Variants in MINDY4 observed in about 807,000 individuals in gnomAD.
MINDY4 encodes probable ubiquitin carboxyl-terminal hydrolase MINDY-4.
In MINDY4, 68 loss-of-function variants were observed where a neutral mutation model predicts 87.0. That is an observed-to-expected ratio of 0.78 (90% CI 0.64 to 0.96). The LOEUF is 0.96. Ranked by LOEUF, MINDY4 falls within the 40% of genes least tolerant of loss-of-function variation. The pLI is 0.00. For missense variants in MINDY4, 919 were observed against 928.2 expected, an observed-to-expected ratio of 0.99 and a Z score of 0.13; for synonymous variants, 379 against 363.2, an observed-to-expected ratio of 1.04 and a Z score of -0.50.
At chr7:30,888,160 A>G (rs531125257) in intron 17 of MINDY4, among the ~76,000 whole-genome samples, 16 of 152,278 alleles carry the variant, frequency 1.1e-4, no homozygotes, top group African/African-American at 3.1e-4. Context: ...CCTCTGTTGC[A>G]GTGATGCCTC....
Position 30,883,002 on chromosome 7 carries a change from A to T in MINDY4, c.2225+9A>T. The T allele has an allele frequency of 6.2e-7, 1 of 1,613,652 alleles. No individual in the cohort carries two copies. The highest frequency in any genetic ancestry group is 8.5e-7 in the Non-Finnish European group (1 of 1,179,718). The stretch of plus-strand genomic sequence containing the variant: ...CTCTGCATCAGAACCAAGTGAGTCA[A>T]GCCCCTCTCTGGCTTTGAGCCTCAC... On this transcript the variant is annotated intron_variant, in intron 17 of 17. Coordinates refer to ENST00000265299, the MANE Select transcript of MINDY4 (RefSeq NM_032222.3).
rs1305235611 is a variant in MINDY4 at position 30,799,198 on chromosome 7, A to G, written c.1073+7624A>G. Among the ~76,000 whole-genome samples the G allele has an allele frequency of 3.9e-5, 6 of 152,078 alleles. No individual in the cohort carries two copies. The East Asian group carries it at 1.2e-3, about 29-fold the overall frequency. ...ATGGGCTGCTCTGTAATGGCTCCCCAATTCTACCCTCTACACATGCCTAGA... is the reference window on the plus strand; with the variant it reads ...ATGGGCTGCTCTGTAATGGCTCCCCGATTCTACCCTCTACACATGCCTAGA... On this transcript the variant is annotated intron_variant, in intron 5 of 17. Coordinates refer to ENST00000265299, the MANE Select transcript of MINDY4 (RefSeq NM_032222.3).
Position 30,892,277 on chromosome 7 carries a change from TC to T in MINDY4, c.*275del. 1 of 461,184 alleles carries T rather than the reference TC, an allele frequency of 2.2e-6. No homozygotes were observed. The highest frequency in any genetic ancestry group is 2.0e-5 in the African/African-American group (1 of 50,846). 28.6% of individuals were successfully genotyped at this position (461,184 alleles called of 1,614,324 possible). A position where few individuals can be genotyped will look rare whatever the true frequency, so the allele number is the denominator to read the frequency against. On this transcript the variant is annotated 3_prime_UTR_variant, in exon 18 of 18. Coordinates refer to ENST00000265299, the MANE Select transcript of MINDY4 (RefSeq NM_032222.3). ...AGGGTCTCTGCTACCTTTGTCTGCA[TC>T]CCTCCCTTGCTCCCTGCTGGGTGGT... is the stretch of plus-strand genomic sequence containing the variant.
chr7:30,797,819 T>C (rs559419971), intron 5 of MINDY4, among the ~76,000 whole-genome samples: 207 of 152,228 alleles, frequency 1.4e-3, no homozygotes, highest in African/African-American at 4.8e-3. Context: ...GCAACTGCAG[T>C]AGTAGAAGAG....
chr7:30,778,320 A>G, intron 1 of MINDY4, 112 bp from the exon 2 acceptor site: 1 of 1,340,008 alleles, frequency 7.5e-7, no homozygotes. Flanking sequence ...TCAAGTGTAA[A>G]GGTTATATGA....
In MINDY4 at chr7:30,806,232, A is replaced by G. The variant is rs575726105; in HGVS notation, c.1073+14658A>G. On this transcript the variant is annotated intron_variant, in intron 5 of 17. Coordinates refer to ENST00000265299, the MANE Select transcript of MINDY4 (RefSeq NM_032222.3). ...TTTGAAACTTGGCTCGCCATCTTTCACATATTTAGTAACTTGGCATGGTGA... is the reference window on the plus strand; with the variant it reads ...TTTGAAACTTGGCTCGCCATCTTTCGCATATTTAGTAACTTGGCATGGTGA... 6.6e-5 allele frequency among the ~76,000 whole-genome samples: 10 copies of G among 152,314 alleles called. No individual in the cohort carries two copies. The East Asian group carries it at 1.7e-3, about 26-fold the overall frequency.
rs549228161 is a variant in MINDY4 at position 30,802,127 on chromosome 7, C to T, written c.1073+10553C>T. 8.5e-5 allele frequency among the ~76,000 whole-genome samples: 13 copies of T among 152,078 alleles called. No homozygotes were observed. In the South Asian group the frequency reaches 2.7e-3, roughly 32 times the overall value. ...GAATCTTTCCTGTATTCCTTTTTTTCTCACTCCAAGATGCTTTTGTGCTGC... is the reference window on the plus strand; with the variant it reads ...GAATCTTTCCTGTATTCCTTTTTTTTTCACTCCAAGATGCTTTTGTGCTGC... On this transcript the variant is annotated intron_variant, in intron 5 of 17. Coordinates refer to ENST00000265299, the MANE Select transcript of MINDY4 (RefSeq NM_032222.3).
At chr7:30,883,059 G>A (rs2128582061) in intron 17 of MINDY4, 66 bp downstream of exon 17, 3 of 1,524,522 alleles carry the variant, frequency 2.0e-6, no homozygotes, top group East Asian at 4.5e-5. Flanking sequence ...ATGGTTGGGG[G>A]TGGTCAGGCC....
At chr7:30,857,059 C>T (rs994597650) in intron 12 of MINDY4, among the ~76,000 whole-genome samples, 2 of 152,182 alleles carry the variant, frequency 1.3e-5, no homozygotes, top group Admixed American at 6.5e-5. Flanking sequence ...GTTGATTTAA[C>T]ATTGTTGTTG....
intron 1 of MINDY4, among the ~76,000 whole-genome samples, chr7:30,775,062 T>A (rs2128164404): frequency 6.6e-6 from 1 of 152,248 alleles, no homozygotes; most frequent in Non-Finnish European, 1.5e-5. Context: ...CTGCTCACAC[T>A]TCAGACACCA....
At chr7:30,857,358 C>G (rs930412382) in intron 12 of MINDY4, among the ~76,000 whole-genome samples, 1 of 151,874 alleles carries the variant, frequency 6.6e-6, no homozygotes, top group African/African-American at 2.4e-5. Context: ...AAGGAGCCTG[C>G]ATTTCTGTCA....
chr7:30,813,224 G>T (rs369560432), intron 5 of MINDY4, among the ~76,000 whole-genome samples: 1 of 152,186 alleles, frequency 6.6e-6, no homozygotes, highest in Non-Finnish European at 1.5e-5. Context: ...AAGATTCATC[G>T]TCAGGAGAAA....
chr7:30,840,327 T>C (rs970767576), intron 8 of MINDY4, among the ~76,000 whole-genome samples: 1 of 152,182 alleles, frequency 6.6e-6, no homozygotes, highest in African/African-American at 2.4e-5. Flanking sequence ...CACAGGCTGT[T>C]GAAGGGGCTC....
chr7:30,809,797 G>GA (rs1362266258), intron 5 of MINDY4, among the ~76,000 whole-genome samples: 10 of 147,286 alleles, frequency 6.8e-5, no homozygotes, highest in African/African-American at 1.6e-4. Flanking sequence ...AAAAAAAGGG[G>GA]GAAAAAAAAG....
At chr7:30,790,206 C>T (rs1465094610) in intron 4 of MINDY4, among the ~76,000 whole-genome samples, 2 of 152,108 alleles carry the variant, frequency 1.3e-5, no homozygotes, top group Non-Finnish European at 2.9e-5. Flanking sequence ...AACCTTTGGG[C>T]TGGATGTCTT....
chr7:30,810,996 A>G (rs1238397369), intron 5 of MINDY4, among the ~76,000 whole-genome samples: 1 of 152,026 alleles, frequency 6.6e-6, no homozygotes, highest in African/African-American at 2.4e-5. Flanking sequence ...CCTCAAAACT[A>G]AAAGTATTTT....
intron 10 of MINDY4, among the ~76,000 whole-genome samples, chr7:30,851,987 T>G (rs113179934): frequency 7.9e-4 from 120 of 152,204 alleles, no homozygotes; most frequent in African/African-American, 2.8e-3. Context: ...CTTTGCAGTC[T>G]TTTTTCCATT....
chr7:30,872,961 G>A (rs1164095241), intron 14 of MINDY4, among the ~76,000 whole-genome samples: 1 of 152,262 alleles, frequency 6.6e-6, no homozygotes, highest in Non-Finnish European at 1.5e-5. Flanking sequence ...ACAGGCCACA[G>A]TGAAATCTGG....
intron 1 of MINDY4, among the ~76,000 whole-genome samples, chr7:30,777,979 CCA>C (rs1186151297): frequency 1.3e-5 from 2 of 152,166 alleles, no homozygotes; most frequent in Admixed American, 1.3e-4. Context: ...GGCCTGGGTC[CCA>C]GAGTCATGGA....
Sources: gnomAD v4.1 joint callset for allele counts (sites outside exome capture counted in the v4.1 genomes callset) on GRCh38, gnomAD v4.1.1 for gene constraint, MANE v1.5 for transcripts, NCBI Gene and HGNC (gene_info 2026-07-23, HGNC 2026-07-21) for gene names.